DCC: variants seen among roughly 807,000 people sequenced by gnomAD.
DCC encodes the protein netrin receptor DCC.
Under a neutral mutation model 172.5 loss-of-function variants are expected in DCC, and 58 were observed. The observed-to-expected ratio is 0.34, with a 90% CI of 0.27 to 0.42. The LOEUF (loss-of-function observed/expected upper bound fraction) is 0.42. Ranked by LOEUF, DCC falls within the 10% of genes least tolerant of loss-of-function variation. DCC has a pLI of 1.00. For missense variants in DCC, 1,740 were observed against 1,791.0 expected (o/e 0.97, Z 0.51); for synonymous variants, 709 against 644.5 (o/e 1.10, Z -1.52).
intron 22 of DCC, among the ~76,000 whole-genome samples, chr18:53,441,511 C>T (rs1912274857): frequency 6.6e-6 from 1 of 152,092 alleles, no homozygotes; most frequent in Non-Finnish European, 1.5e-5. Context: ...TAAACTTTTG[C>T]TCTTCCCTCT....
intron 2 of DCC, among the ~76,000 whole-genome samples, chr18:52,884,663 G>T (rs1341612114): frequency 6.6e-6 from 1 of 152,116 alleles, no homozygotes; most frequent in Non-Finnish European, 1.5e-5. Flanking sequence ...TGTCTGAAAG[G>T]TCACATATCT....
chr18:53,231,299 A>G (rs1030169426), intron 12 of DCC, among the ~76,000 whole-genome samples: 1 of 152,078 alleles, frequency 6.6e-6, no homozygotes, highest in African/African-American at 2.4e-5. Context: ...TTCTTGGGAA[A>G]TATATTTCTG....
intron 15 of DCC, among the ~76,000 whole-genome samples, chr18:53,378,354 G>C (rs1413044148): frequency 6.6e-6 from 1 of 152,054 alleles, no homozygotes; most frequent in African/African-American, 2.4e-5. Flanking sequence ...GTACTCTAGA[G>C]AGCTTATAAA....
chr18:53,228,833 C>T (rs1431632041), intron 12 of DCC, among the ~76,000 whole-genome samples: 1 of 151,968 alleles, frequency 6.6e-6, no homozygotes, highest in Non-Finnish European at 1.5e-5. Flanking sequence ...AAGATTTTTC[C>T]CTATTCCCCT....
intron 1 of DCC, among the ~76,000 whole-genome samples, chr18:52,357,314 C>G (rs765886308): frequency 6.6e-4 from 101 of 151,942 alleles, no homozygotes; most frequent in Non-Finnish European, 1.2e-3. Context: ...TCTTGGAGTG[C>G]CAGAAAGGAA....
chr18:52,795,449 A>G (rs12604339), intron 2 of DCC, among the ~76,000 whole-genome samples: 29,088 of 151,846 alleles, frequency 0.19, 3,037 homozygotes, highest in African/African-American at 0.25. Flanking sequence ...TTTCTGTTGT[A>G]TCAGTTGTAA....
chr18:52,494,483 T>G (rs1598862333), intron 1 of DCC, among the ~76,000 whole-genome samples: 1 of 152,260 alleles, frequency 6.6e-6, no homozygotes, highest in East Asian at 1.9e-4. Flanking sequence ...ATATTTATAC[T>G]GTATTCCAAC....
intron 5 of DCC, among the ~76,000 whole-genome samples, chr18:53,021,746 G>A (rs779070607): frequency 2.0e-4 from 31 of 152,214 alleles, no homozygotes; most frequent in African/African-American, 3.9e-4. Flanking sequence ...AAGAAAGCAC[G>A]TCACTGTTAA....
chr18:53,032,414 C>A (rs2042037605), intron 5 of DCC, among the ~76,000 whole-genome samples: 1 of 152,108 alleles, frequency 6.6e-6, no homozygotes. Context: ...ATTGAGTTAA[C>A]CTTTTTCTTG....
intron 5 of DCC, among the ~76,000 whole-genome samples, chr18:52,988,060 G>T (rs2041323070): frequency 6.6e-6 from 1 of 152,128 alleles, no homozygotes; most frequent in Non-Finnish European, 1.5e-5. Flanking sequence ...TGAATATTGT[G>T]CTTGGGGTTT....
rs578077174 is a variant in DCC at position 52,602,058 on chromosome 18, A to G, written c.92-149996A>G. Among the ~76,000 whole-genome samples the G allele has an allele frequency of 1.8e-3, 279 of 152,238 alleles. 1 individual carries two copies. The highest frequency in any genetic ancestry group is 6.5e-3 in the African/African-American group (271 of 41,584). ...AAGGTAAGGGAGCATCACATATTAGATGAAATAAGTGTGTACATGTGAATC... is the reference window on the plus strand; with the variant it reads ...AAGGTAAGGGAGCATCACATATTAGGTGAAATAAGTGTGTACATGTGAATC... On this transcript the variant is annotated intron_variant, in intron 1 of 28. Transcript: ENST00000442544.
chr18:52,393,772 G>A lies in DCC; in HGVS notation c.91+52894G>A, dbSNP rs556722103. Among the ~76,000 whole-genome samples the A allele has an allele frequency of 2.6e-5, 4 of 152,108 alleles. No individual in the cohort carries two copies. The East Asian group carries it at 7.8e-4, about 30-fold the overall frequency. ...TTAAAACTAAGTGCACATTAAAATC[G>A]CGTGTGAGAGTTTTTAAACAATACC... On this transcript the variant is annotated intron_variant, in intron 1 of 28. Transcript: ENST00000442544.
chr18:52,454,995 A>G (rs1050329299), intron 1 of DCC, among the ~76,000 whole-genome samples: 1 of 152,108 alleles, frequency 6.6e-6, no homozygotes, highest in African/African-American at 2.4e-5. Context: ...GCGTTTCATC[A>G]TGTTTTATTC....
intron 1 of DCC, among the ~76,000 whole-genome samples, chr18:52,700,255 CA>C (rs1159311131): frequency 6.8e-6 from 1 of 146,470 alleles, no homozygotes; most frequent in Non-Finnish European, 1.5e-5. Context: ...CTCACACACG[CA>C]CATCCACACT....
chr18:52,587,330 C>G (rs2033697570), intron 1 of DCC, among the ~76,000 whole-genome samples: 1 of 152,164 alleles, frequency 6.6e-6, no homozygotes, highest in African/African-American at 2.4e-5. Context: ...TTCATAGACC[C>G]ATTGGGCGAT....
intron 1 of DCC, among the ~76,000 whole-genome samples, chr18:52,353,318 T>G (rs969620970): frequency 6.6e-6 from 1 of 152,188 alleles, no homozygotes; most frequent in Non-Finnish European, 1.5e-5. Context: ...GTCTGCTGGT[T>G]TTCATTCCAT....
At chr18:53,423,274 GGC>G (rs1418422021) in intron 21 of DCC, among the ~76,000 whole-genome samples, 1 of 152,108 alleles carries the variant, frequency 6.6e-6, no homozygotes, top group Non-Finnish European at 1.5e-5. Context: ...TACAGATATT[GGC>G]CAAGTACACG....
intron 1 of DCC, among the ~76,000 whole-genome samples, chr18:52,642,259 C>G (rs538537638): frequency 6.6e-6 from 1 of 151,508 alleles, no homozygotes; most frequent in East Asian, 2.0e-4. Flanking sequence ...CTCATATGTG[C>G]GAGCTAGGCT....
At chr18:52,508,066 C>G in intron 1 of DCC, among the ~76,000 whole-genome samples, 1 of 151,680 alleles carries the variant, frequency 6.6e-6, no homozygotes, top group East Asian at 1.9e-4. Flanking sequence ...AGCCACTGCA[C>G]TCCAGCCTGG....
Sources: gnomAD v4.1 joint callset for allele counts (sites outside exome capture counted in the v4.1 genomes callset) on GRCh38, gnomAD v4.1.1 for gene constraint, MANE v1.5 for transcripts, NCBI Gene and HGNC (gene_info 2026-07-23, HGNC 2026-07-21) for gene names.